Variants in DAB1 observed in about 807,000 individuals in gnomAD.
DAB1 encodes the protein DAB adaptor protein 1, also known as disabled homolog 1.
DAB1 carries 15 observed loss-of-function variants against 64.6 expected under a neutral mutation model. The observed-to-expected ratio is 0.23, with a 90% CI of 0.16 to 0.36. The LOEUF is 0.36. Among genes scored for constraint, DAB1 ranks in the 10% least tolerant of loss-of-function variants. The pLI is 1.00. For synonymous variants in DAB1, 235 were observed against 251.9 expected, an observed-to-expected ratio of 0.93 and a Z score of 0.64; for missense variants, 596 against 706.7, an observed-to-expected ratio of 0.84 and a Z score of 1.78.
chr1:58,504,089 T>A (rs369252083), intron 3 of DAB1, among the ~76,000 whole-genome samples: 2 of 152,170 alleles, frequency 1.3e-5, no homozygotes, highest in Non-Finnish European at 2.9e-5. Flanking sequence ...ACTAGTCTAC[T>A]CCACACAATA....
intron 3 of DAB1, chr1:58,506,020 C>A (rs556853088): frequency 6.2e-6 from 5 of 805,548 alleles, no homozygotes; most frequent in Non-Finnish European, 1.1e-5. Flanking sequence ...ATAAATGATA[C>A]AGTAAAAATA....
intron 1 of DAB1, among the ~76,000 whole-genome samples, chr1:57,311,151 G>C (rs1489457341): frequency 6.6e-6 from 1 of 152,132 alleles, no homozygotes; most frequent in African/African-American, 2.4e-5. Context: ...GCTGTTAAGT[G>C]TCACCCAGCG....
chr1:58,081,039 C>A (rs1251352055), intron 5 of DAB1, among the ~76,000 whole-genome samples: 3 of 152,176 alleles, frequency 2.0e-5, no homozygotes, highest in Non-Finnish European at 4.4e-5. Flanking sequence ...TATCACTATC[C>A]CTTCTTATCT....
intron 5 of DAB1, among the ~76,000 whole-genome samples, chr1:57,901,392 G>A (rs1346793430): frequency 6.6e-6 from 1 of 152,092 alleles, no homozygotes. Context: ...AAGACGAGGT[G>A]CTGGGGCCTG....
chr1:57,326,826 C>G (rs1189225021), intron 1 of DAB1, among the ~76,000 whole-genome samples: 1 of 152,126 alleles, frequency 6.6e-6, no homozygotes, highest in Non-Finnish European at 1.5e-5. Context: ...CTCCCAATGT[C>G]CCTGCCTCCA....
intron 4 of DAB1, among the ~76,000 whole-genome samples, chr1:58,171,186 C>T (rs1013212621): frequency 2.0e-5 from 3 of 152,124 alleles, no homozygotes; most frequent in Non-Finnish European, 2.9e-5. Context: ...ATTTGTTGTC[C>T]CCTACTTGAG....
chr1:58,429,342 C>T (rs1250519511), intron 3 of DAB1, among the ~76,000 whole-genome samples: 1 of 152,062 alleles, frequency 6.6e-6, no homozygotes, highest in Non-Finnish European at 1.5e-5. Context: ...AGAGAGCAGG[C>T]GGGGACAGAA....
At chr1:58,222,191 T>C (rs1328773891) in intron 4 of DAB1, among the ~76,000 whole-genome samples, 1 of 152,064 alleles carries the variant, frequency 6.6e-6, no homozygotes, top group Non-Finnish European at 1.5e-5. Flanking sequence ...TTTCTATAAA[T>C]ATACACCACC....
At chr1:57,365,184 T>G (rs2100911829) in intron 1 of DAB1, among the ~76,000 whole-genome samples, 1 of 142,672 alleles carries the variant, frequency 7.0e-6, no homozygotes, top group South Asian at 2.1e-4. Context: ...CTTCTTTATA[T>G]ATAAAGAATA....
chr1:57,588,250 T>A (rs552992182), intron 7 of DAB1, among the ~76,000 whole-genome samples: 14 of 152,336 alleles, frequency 9.2e-5, no homozygotes, highest in Non-Finnish European at 2.1e-4. Flanking sequence ...CTGTATTCTG[T>A]TACAGTTTCT....
chr1:57,888,786 TGA>T (rs1172506413), upstream of DAB1, among the ~76,000 whole-genome samples: 43 of 152,316 alleles, frequency 2.8e-4, no homozygotes, highest in African/African-American at 1.0e-3. Context: ...CATCAACATC[TGA>T]AAAAATATAT....
chr1:57,720,517 A>G (rs1647137578), intron 6 of DAB1, among the ~76,000 whole-genome samples: 1 of 152,208 alleles, frequency 6.6e-6, no homozygotes, highest in Non-Finnish European at 1.5e-5. Flanking sequence ...AGACCAAAAG[A>G]CTGTAATCAG....
intron 6 of DAB1, among the ~76,000 whole-genome samples, chr1:57,818,112 A>G (rs1651951035): frequency 6.6e-6 from 1 of 152,234 alleles, no homozygotes; most frequent in Non-Finnish European, 1.5e-5. Context: ...TATTGATCAC[A>G]ATATAACAGT....
chr1:58,162,311 C>T (rs890102438), intron 4 of DAB1, among the ~76,000 whole-genome samples: 1 of 152,210 alleles, frequency 6.6e-6, no homozygotes. Flanking sequence ...ATTCTTAAGT[C>T]TCTGTCAGCC....
At chr1:58,116,211 T>A (rs142455856) in intron 5 of DAB1, among the ~76,000 whole-genome samples, 22 of 152,280 alleles carry the variant, frequency 1.4e-4, no homozygotes, top group African/African-American at 5.3e-4. Flanking sequence ...ATACAATGCC[T>A]GGCACTGAGG....
At chr1:57,740,846 G>A (rs1410043363) in intron 6 of DAB1, among the ~76,000 whole-genome samples, 1 of 152,198 alleles carries the variant, frequency 6.6e-6, no homozygotes, top group Non-Finnish European at 1.5e-5. Context: ...ATGTGCAAAT[G>A]TGTCAGTATA....
At chr1:58,368,987 C>T (rs761317916) in intron 3 of DAB1, among the ~76,000 whole-genome samples, 4 of 152,154 alleles carry the variant, frequency 2.6e-5, no homozygotes, top group African/African-American at 4.8e-5. Context: ...AGCCACTGCA[C>T]TCCAGCCTAG....
chr1:57,681,277 C>T (rs1646633670), intron 6 of DAB1, among the ~76,000 whole-genome samples: 1 of 152,178 alleles, frequency 6.6e-6, no homozygotes, highest in African/African-American at 2.4e-5. Flanking sequence ...AGATGACTGT[C>T]TTCTTATAAG....
At chr1:58,011,971 G>A (rs1050396429) in intron 5 of DAB1, among the ~76,000 whole-genome samples, 2 of 152,162 alleles carry the variant, frequency 1.3e-5, no homozygotes, top group African/African-American at 2.4e-5. Context: ...AATTACAGGC[G>A]TGAGCCACCA....
Sources: gnomAD v4.1 joint callset for allele counts (sites outside exome capture counted in the v4.1 genomes callset) on GRCh38, gnomAD v4.1.1 for gene constraint, MANE v1.5 for transcripts, NCBI Gene and HGNC (gene_info 2026-07-23, HGNC 2026-07-21) for gene names.